Variants in SART1 observed in about 807,000 individuals in gnomAD.
SART1 encodes the protein U4/U6.U5 tri-snRNP-associated protein 1.
SART1 carries 28 observed loss-of-function variants against 105.0 expected under a neutral mutation model. The observed-to-expected ratio is 0.27, with a 90% CI of 0.20 to 0.37. SART1 has a LOEUF of 0.37. Among genes scored for constraint, SART1 ranks in the 10% least tolerant of loss-of-function variants. The pLI is 1.00. For missense variants in SART1, 894 were observed against 1,106.5 expected, an observed-to-expected ratio of 0.81 and a Z score of 2.72; for synonymous variants, 472 against 462.9, an observed-to-expected ratio of 1.02 and a Z score of -0.25.
At position 65,977,056 on chromosome 11, in the gene SART1, G is replaced by A. The variant is rs759027662; in HGVS notation, c.1900G>A (p.Val634Met). 4 of 1,613,968 alleles carry A rather than the reference G, an allele frequency of 2.5e-6. No homozygotes were observed. The highest frequency in any genetic ancestry group is 1.7e-5 in the Admixed American group (1 of 59,992). The part of the protein sequence containing the change: ...STTILDEEPI[V>M]NRGLAAALLL... ...CACCATCCTGGACGAGGAACCGATC[G>A]TGAATAGGGGGCTGGCAGCTGCCCT... Residue 634 changes from valine to methionine, a missense_variant, in exon 15 of 20, where the codon GTG (valine) becomes ATG (methionine). Physicochemically the swap from Val to Met is conservative, Grantham distance 21. This residue lies in a region of SART1 where 182 missense variants were observed against 328.3 expected (regional missense o/e 0.55). Transcript: ENST00000312397.
Position 65,977,618 on chromosome 11 carries a change from G to A in SART1, c.2001G>A (p.Ser667=), listed in dbSNP as rs1258012898. ...CCCGGGTGAAGGCCCCCAACAAGTC[G>A]CTGCCCTCAGCCGTGTACTGCATCG... ...KVARVKAPNK[S]LPSAVYCIED... The change falls in exon 16 of 20, where the codon TCG becomes TCA. Residue 667 remains serine, a synonymous_variant. Transcript: ENST00000312397. The A allele has an allele frequency of 7.4e-6, 12 of 1,613,992 alleles. 1 individual carries two copies. The highest frequency in any genetic ancestry group is 3.3e-5 in the South Asian group (3 of 91,086).
At position 65,978,671 on chromosome 11, in the gene SART1, G is replaced by A. The variant is rs546652717; in HGVS notation, c.2244G>A (p.Lys748=). Residue 748 remains lysine, a synonymous_variant, in exon 18 of 20, where the codon AAG becomes AAA. Coordinates refer to ENST00000312397, the MANE Select transcript of SART1 (RefSeq NM_005146.5). This position sits in a 1 kb window ranked among gnomAD's most constrained non-coding sequence, Gnocchi z 6.8. The part of the protein sequence containing the change: ...SGKMKTERRM[K]KLDEEALLKK... ...AGATGAAGACAGAGCGGCGGATGAA[G>A]AAGCTGGACGAGGAGGCGGTGGGTG... The A allele has an allele frequency of 2.2e-5, 35 of 1,603,562 alleles. No homozygotes were observed. The South Asian group carries it at 2.4e-4, about 11-fold the overall frequency.
At position 65,978,894 on chromosome 11, in the gene SART1, C is replaced by T. The variant is rs577480150; in HGVS notation, c.2364C>T (p.Gly788=). 425 of 1,614,018 alleles carry T rather than the reference C, an allele frequency of 2.6e-4. 2 individuals carry two copies. The South Asian group carries it at 3.8e-3, about 15-fold the overall frequency. ...AGACCCCCTACATCGTGCTCAGCGG[C>T]AGCGGCAAGAGCATGAACGCGTGAG... ...AQKTPYIVLS[G]SGKSMNANTI... Residue 788 remains glycine, a synonymous_variant, in exon 19 of 20, where the codon GGC becomes GGT. Transcript: ENST00000312397. The surrounding 1 kb of genome is among the most constrained non-coding windows in gnomAD (Gnocchi z 6.8).
chr11:65,964,750 C>T (rs538643720), intron 3 of SART1, among the ~76,000 whole-genome samples, 180 bp downstream of exon 3: 11 of 152,234 alleles, frequency 7.2e-5, no homozygotes, highest in Non-Finnish European at 1.3e-4. Context: ...CGCCTGCTCT[C>T]TGAGTTGGAG....
chr11:65,976,671 G>C lies in SART1; in HGVS notation c.1762G>C (p.Glu588Gln). 1 of 1,613,806 alleles carries C rather than the reference G, an allele frequency of 6.2e-7. No homozygotes were observed. The highest frequency in any genetic ancestry group is 1.1e-5 in the South Asian group (1 of 91,070). ...TGTGCCCCAGGACTTTGAACGGGAT[G>C]AGGAGCGCTCAGCCAACGGTGGCTC... is the stretch of plus-strand genomic sequence containing the variant. ...QEELMDFERD[E>Q]ERSANGGSES... Residue 588 changes from glutamate to glutamine, a missense_variant, in exon 14 of 20, where the codon GAG (glutamate) becomes CAG (glutamine). By Grantham distance (29) the Glu-to-Gln change is conservative (BLOSUM62 2). Around this residue, in one of 2 missense-constraint regions of SART1, gnomAD observed 182 missense variants for 328.3 expected, o/e 0.55. Transcript: ENST00000312397. The surrounding 1 kb of genome is among the most constrained non-coding windows in gnomAD (Gnocchi z 5.1).
chr11:65,964,222 G>A lies in SART1; in HGVS notation c.371+91G>A. ...GGGAGGCTTTCTCACATGAAAGTGT[G>A]CTAATCAGAGTTGGAAAGATTGTTT... On this transcript the variant is annotated intron_variant, in intron 2 of 19. Transcript: ENST00000312397. 3 of 1,105,648 alleles carry A rather than the reference G, an allele frequency of 2.7e-6. No individual in the cohort carries two copies. The South Asian group carries it at 3.8e-5, about 14-fold the overall frequency. The allele number at this position is 1,105,648 out of a possible 1,614,324, so 68.5% of individuals were successfully genotyped here.
In SART1 at chr11:65,965,733, T is replaced by G; in HGVS notation, c.692T>G (p.Phe231Cys). Residue 231 changes from phenylalanine to cysteine, a missense_variant, in exon 6 of 20, where the codon TTT (phenylalanine) becomes TGT (cysteine). Phe to Cys is a radical substitution (Grantham distance 205, BLOSUM62 -2). Transcript: ENST00000312397. ...AKLLEEMDQEFGVSTLVEEEF... is the reference protein window; with the variant it reads ...AKLLEEMDQECGVSTLVEEEF... Reference sequence around the variant, plus strand: ...TTACTGGAGGAGATGGACCAAGAGTTTGGTGTCAGCACTCTGGTGGAGGAG... The same window carrying G: ...TTACTGGAGGAGATGGACCAAGAGTGTGGTGTCAGCACTCTGGTGGAGGAG... The G allele has an allele frequency of 6.2e-7, 1 of 1,613,866 alleles. No homozygotes were observed. The highest frequency in any genetic ancestry group is 1.1e-5 in the South Asian group (1 of 91,054).
At chr11:65,969,847 T>A (rs994546775) in intron 12 of SART1, among the ~76,000 whole-genome samples, 1 of 152,186 alleles carries the variant, frequency 6.6e-6, no homozygotes, top group Non-Finnish European at 1.5e-5. Flanking sequence ...CTCAGCCTCC[T>A]GAGTAGCTGG....
In SART1 at chr11:65,965,978, A is replaced by G; in HGVS notation, c.830A>G (p.Lys277Arg). Residue 277 changes from lysine to arginine, a missense_variant, in exon 7 of 20, where the codon AAG (lysine) becomes AGG (arginine). Coordinates refer to ENST00000312397, the MANE Select transcript of SART1 (RefSeq NM_005146.5). ...GGGGAGACAATGATTCTTACCCTCA[A>G]GGACAAAGGTAATGCGAGCTGGGTG... ...REGETMILTL[K>R]DKGVLQEEED... The G allele has an allele frequency of 6.2e-7, 1 of 1,614,062 alleles. No individual in the cohort carries two copies. The highest frequency in any genetic ancestry group is 8.5e-7 in the Non-Finnish European group (1 of 1,180,034).
chr11:65,972,846 T>C (rs1391717056), intron 12 of SART1, among the ~76,000 whole-genome samples: 1 of 147,860 alleles, frequency 6.8e-6, no homozygotes, highest in Non-Finnish European at 1.5e-5. Flanking sequence ...CAAGAAACCA[T>C]GAAGAAAAAA....
intron 1 of SART1, among the ~76,000 whole-genome samples, chr11:65,963,629 G>A (rs1045986905): frequency 2.0e-5 from 3 of 152,036 alleles, no homozygotes; most frequent in Admixed American, 1.3e-4. Context: ...TTACAGGTGC[G>A]CACCACCGTG....
Position 65,978,912 on chromosome 11 carries a change from C to T in SART1, c.2382C>T (p.Asn794=), listed in dbSNP as rs1321569802. The T allele has an allele frequency of 3.7e-6, 6 of 1,613,824 alleles. No homozygotes were observed. Among genetic ancestry groups the T allele is most frequent in the Admixed American group, 1.7e-5 (1 of 59,990 alleles). Reference sequence around the variant, plus strand: ...TCAGCGGCAGCGGCAAGAGCATGAACGCGTGAGTGGCTCGAGGCTGGTGGG... The same window carrying T: ...TCAGCGGCAGCGGCAAGAGCATGAATGCGTGAGTGGCTCGAGGCTGGTGGG... ...IVLSGSGKSM[N]ANTITK Residue 794 remains asparagine, a splice_region_variant and synonymous_variant, in exon 19 of 20, where the codon AAC becomes AAT. Coordinates refer to ENST00000312397, the MANE Select transcript of SART1 (RefSeq NM_005146.5). This position sits in a 1 kb window ranked among gnomAD's most constrained non-coding sequence, Gnocchi z 6.8.
chr11:65,972,550 G>C (rs1855398991), intron 12 of SART1, among the ~76,000 whole-genome samples: 1 of 152,048 alleles, frequency 6.6e-6, no homozygotes, highest in Non-Finnish European at 1.5e-5. Context: ...AGGAATTTGA[G>C]ACCAGCCTGG....
In SART1 at chr11:65,980,067, T is replaced by G. The variant is rs924699462; in HGVS notation, c.*1037T>G. 6.6e-6 allele frequency among the ~76,000 whole-genome samples: 1 copy of G among 152,016 alleles called. No homozygotes were observed. The highest frequency in any genetic ancestry group is 1.5e-5 in the Non-Finnish European group (1 of 67,988). On this transcript the variant is annotated 3_prime_UTR_variant, in exon 20 of 20. Coordinates refer to ENST00000312397, the MANE Select transcript of SART1 (RefSeq NM_005146.5). ...GACACAGGCTGCAGTGGGCCCTGATTGAGCCACCACACTGCAGCCTAGGTG... is the reference window on the plus strand; with the variant it reads ...GACACAGGCTGCAGTGGGCCCTGATGGAGCCACCACACTGCAGCCTAGGTG...
At position 65,967,577 on chromosome 11, in the gene SART1, A is replaced by G. The variant is rs747964570; in HGVS notation, c.1420A>G (p.Ser474Gly). ...DDTRVENMDI[S>G]DEEEGGAPPP... ...CACCCGAGTGGAGAACATGGACATCAGTGATGAGGGTGAGGGCCCGGCCAG... is the reference window on the plus strand; with the variant it reads ...CACCCGAGTGGAGAACATGGACATCGGTGATGAGGGTGAGGGCCCGGCCAG... The change falls in exon 11 of 20, where the codon AGT (serine) becomes GGT (glycine). Residue 474 changes from serine to glycine, a missense_variant. Coordinates refer to ENST00000312397, the MANE Select transcript of SART1 (RefSeq NM_005146.5). 1.7e-5 allele frequency: 28 copies of G among 1,612,168 alleles called. No individual in the cohort carries two copies. Among genetic ancestry groups the G allele is most frequent in the Middle Eastern group, 1.7e-4 (1 of 5,858 alleles).
intron 12 of SART1, among the ~76,000 whole-genome samples, chr11:65,972,321 C>T (rs557118831): frequency 1.1e-4 from 16 of 152,132 alleles, no homozygotes; most frequent in South Asian, 2.1e-4. Context: ...TGGGAAGAGT[C>T]GCTCGTCAGT....
Position 65,966,435 on chromosome 11 carries a change from C to G in SART1, c.1067C>G (p.Thr356Arg), listed in dbSNP as rs745755363. 2.0e-5 allele frequency: 32 copies of G among 1,613,528 alleles called. No individual in the cohort carries two copies. Among genetic ancestry groups the G allele is most frequent in the South Asian group, 1.9e-4 (17 of 91,086 alleles). ...PHSFRLEQGG[T>R]ADGLRERELE... Reference sequence around the variant, plus strand: ...TCCTTCCGCTTGGAGCAGGGCGGCACGGCTGATGGCCTGCGGGAGCGGGAG... The same window carrying G: ...TCCTTCCGCTTGGAGCAGGGCGGCAGGGCTGATGGCCTGCGGGAGCGGGAG... The change falls in exon 9 of 20, where the codon ACG (threonine) becomes AGG (arginine). Residue 356 changes from threonine (T) to arginine (R), a missense_variant. Coordinates refer to ENST00000312397, the MANE Select transcript of SART1 (RefSeq NM_005146.5).
intron 12 of SART1, among the ~76,000 whole-genome samples, chr11:65,969,827 A>G (rs931990502): frequency 1.3e-5 from 2 of 152,162 alleles, no homozygotes; most frequent in African/African-American, 2.4e-5. Context: ...GGCTCAAGCA[A>G]TTCTCCTGCC....
chr11:65,972,168 C>A (rs548337900), intron 12 of SART1, among the ~76,000 whole-genome samples: 6 of 152,162 alleles, frequency 3.9e-5, no homozygotes, highest in Non-Finnish European at 5.9e-5. Context: ...GTAAAAATCC[C>A]AATAGGGATT....
Sources: gnomAD v4.1 joint callset for allele counts (sites outside exome capture counted in the v4.1 genomes callset) on GRCh38, gnomAD v4.1.1 for gene constraint, gnomAD v4.1.1 regional missense constraint, Gnocchi (gnomAD v3.1) non-coding constraint, MANE v1.5 for transcripts, NCBI Gene and HGNC (gene_info 2026-07-23, HGNC 2026-07-21) for gene names.